GALK2: variants seen among roughly 807,000 people sequenced by gnomAD.
GALK2 encodes galactokinase 2.
A neutral mutation model predicts 52.4 loss-of-function variants in GALK2; 36 were observed. The ratio of observed to expected loss-of-function variants is 0.69; its 90% confidence interval spans 0.53 to 0.91. The LOEUF (loss-of-function observed/expected upper bound fraction) is 0.91. Among genes scored for constraint, GALK2 ranks in the 40% least tolerant of loss-of-function variants. GALK2 has a pLI of 0.00. For missense variants in GALK2, 579 were observed against 559.1 expected, an observed-to-expected ratio of 1.04 and a Z score of -0.36; for synonymous variants, 176 against 199.1, an observed-to-expected ratio of 0.88 and a Z score of 0.98.
chr15:49,201,273 T>A, intron 2 of GALK2, 23 bp downstream of exon 2: 1 of 1,383,316 alleles, frequency 7.2e-7, no homozygotes, highest in South Asian at 1.3e-5. Context: ...TTCCTTCTCT[T>A]AATTTTTTTC....
chr15:49,242,804 T>C (rs1310444450), intron 5 of GALK2, among the ~76,000 whole-genome samples: 2 of 152,194 alleles, frequency 1.3e-5, no homozygotes, highest in African/African-American at 4.8e-5. Context: ...ATCTAGAGAC[T>C]TCTGATTTCA....
At chr15:49,361,919 C>G (rs1364494645) in intron 3 of GALK2, among the ~76,000 whole-genome samples, 1 of 152,136 alleles carries the variant, frequency 6.6e-6, no homozygotes, top group Non-Finnish European at 1.5e-5. Flanking sequence ...TATTTTTTGA[C>G]TTTTCCATAG....
chr15:49,365,896 G>A (rs2045088777), intron 3 of GALK2: 1 of 960,072 alleles, frequency 1.0e-6, no homozygotes, highest in South Asian at 1.3e-5. Context: ...TGCAGCAAGA[G>A]AGTTGTACAG....
At chr15:49,366,226 TC>T (rs2045157707) in intron 3 of GALK2, 1 of 787,494 alleles carries the variant, frequency 1.3e-6, no homozygotes, top group Non-Finnish European at 2.3e-6. Flanking sequence ...TAATGTTATT[TC>T]CTAGAGTCTG....
At chr15:49,285,671 T>C (rs2033269210) in intron 7 of GALK2, among the ~76,000 whole-genome samples, 1 of 152,206 alleles carries the variant, frequency 6.6e-6, no homozygotes, top group Non-Finnish European at 1.5e-5. Flanking sequence ...AACTCAGTCT[T>C]TCACAGACCT....
chr15:49,268,544 T>G (rs1470423789), intron 5 of GALK2, among the ~76,000 whole-genome samples: 1 of 152,208 alleles, frequency 6.6e-6, no homozygotes, highest in Non-Finnish European at 1.5e-5. Context: ...AGAGCTGCAG[T>G]CTGAGGCACA....
chr15:49,300,166 A>G (rs2034985071), intron 8 of GALK2, among the ~76,000 whole-genome samples: 1 of 151,992 alleles, frequency 6.6e-6, no homozygotes, highest in South Asian at 2.1e-4. Context: ...CATCTTGCTG[A>G]ATTGAACCCT....
chr15:49,334,772 G>A (rs891832807), downstream of GALK2, among the ~76,000 whole-genome samples: 2 of 152,092 alleles, frequency 1.3e-5, no homozygotes, highest in Non-Finnish European at 1.5e-5. Flanking sequence ...ACCCAAAAGG[G>A]AGGATCATCC....
At chr15:49,351,668 A>G (rs1225718667) in intron 3 of GALK2, among the ~76,000 whole-genome samples, 1 of 152,206 alleles carries the variant, frequency 6.6e-6, no homozygotes. Context: ...CTTGGAATCA[A>G]TACCTGTGGT....
At chr15:49,179,529 C>G (rs986155036) in intron 1 of GALK2, among the ~76,000 whole-genome samples, 2 of 152,092 alleles carry the variant, frequency 1.3e-5, no homozygotes, top group Non-Finnish European at 2.9e-5. Flanking sequence ...TTCATTTCTG[C>G]AGTTAGCCAC....
intron 3 of GALK2, among the ~76,000 whole-genome samples, chr15:49,358,061 T>C (rs2043488202): frequency 6.6e-6 from 1 of 152,084 alleles, no homozygotes; most frequent in African/African-American, 2.4e-5. Context: ...AAGCTATCAA[T>C]AAATTAGGTA....
intron 5 of GALK2, among the ~76,000 whole-genome samples, chr15:49,240,980 TTAGA>T (rs1183602155): frequency 6.6e-6 from 1 of 152,172 alleles, no homozygotes; most frequent in Non-Finnish European, 1.5e-5. Context: ...ATGGTTAGAA[TTAGA>T]TAGATTCAAG....
intron 3 of GALK2, among the ~76,000 whole-genome samples, chr15:49,341,115 C>A (rs2040660188): frequency 6.6e-6 from 1 of 152,086 alleles, no homozygotes; most frequent in African/African-American, 2.4e-5. Context: ...TCTGTTTCAT[C>A]AGTCTATGTG....
At chr15:49,201,580 A>T (rs1407666400) in intron 2 of GALK2, among the ~76,000 whole-genome samples, 1 of 152,158 alleles carries the variant, frequency 6.6e-6, no homozygotes, top group Non-Finnish European at 1.5e-5. Context: ...ATATTTACTC[A>T]CTGGGTTAGA....
intron 1 of GALK2, among the ~76,000 whole-genome samples, chr15:49,172,433 G>T (rs112146539): frequency 4.3e-4 from 66 of 152,262 alleles, no homozygotes; most frequent in African/African-American, 1.5e-3. Context: ...TTGCAGGAAT[G>T]TTTTGCAGCC....
chr15:49,266,486 T>C (rs2092365404), intron 5 of GALK2, among the ~76,000 whole-genome samples: 1 of 152,222 alleles, frequency 6.6e-6, no homozygotes, highest in Non-Finnish European at 1.5e-5. Flanking sequence ...CTCTCACTTG[T>C]CTTGCTCTCT....
At chr15:49,353,614 G>GGT (rs371027331) in intron 3 of GALK2, 2 of 138,722 alleles carry the variant, frequency 1.4e-5, no homozygotes, top group African/African-American at 2.6e-5. Context: ...GAAAATAAGG[G>GGT]TTTTTTTTTT....
chr15:49,304,958 C>G (rs542841514), intron 8 of GALK2, among the ~76,000 whole-genome samples: 1 of 152,274 alleles, frequency 6.6e-6, no homozygotes, highest in South Asian at 2.1e-4. Context: ...TCACTTTCTT[C>G]CCTGTCTTGC....
intron 1 of GALK2, chr15:49,178,281 T>C (rs1595893026): frequency 7.0e-6 from 1 of 142,222 alleles, no homozygotes; most frequent in African/African-American, 2.6e-5. Flanking sequence ...TATGTACATG[T>C]ATATCATATA....
Sources: allele counts gnomAD v4.1 joint callset (sites outside exome capture counted in the v4.1 genomes callset), GRCh38; gene constraint gnomAD v4.1.1; transcripts MANE v1.5; gene names NCBI Gene and HGNC (gene_info 2026-07-23, HGNC 2026-07-21).